Variants in SLC44A5 observed in about 807,000 individuals in gnomAD.
The protein encoded by SLC44A5 is choline transporter-like protein 5.
SLC44A5 carries 57 observed loss-of-function variants against 101.8 expected under a neutral mutation model. That is an observed-to-expected ratio of 0.56 (90% CI 0.45 to 0.70). The LOEUF (loss-of-function observed/expected upper bound fraction) is 0.70. Ranked by LOEUF, SLC44A5 falls within the 30% of genes least tolerant of loss-of-function variation. The probability of loss-of-function intolerance (pLI) is 0.00; values close to 1 mark genes in which losing one functional copy is unlikely to be tolerated. For synonymous variants in SLC44A5, 281 were observed against 290.9 expected (o/e 0.97, Z 0.35); for missense variants, 737 against 853.1 (o/e 0.86, Z 1.70).
At chr1:75,564,962 G>A (rs1024424284) in intron 1 of SLC44A5, among the ~76,000 whole-genome samples, 5 of 152,240 alleles carry the variant, frequency 3.3e-5, no homozygotes, top group African/African-American at 1.2e-4. Flanking sequence ...TACATGTGCA[G>A]GATGTGCAGG....
chr1:75,327,703 AG>A (rs1656706282), intron 4 of SLC44A5, among the ~76,000 whole-genome samples: 1 of 152,238 alleles, frequency 6.6e-6, no homozygotes, highest in South Asian at 2.1e-4. Flanking sequence ...GAGTAGAAAA[AG>A]ATCTAAATTA....
At chr1:75,384,849 CA>C (rs1299681465) in intron 3 of SLC44A5, among the ~76,000 whole-genome samples, 1 of 151,132 alleles carries the variant, frequency 6.6e-6, no homozygotes, top group Non-Finnish European at 1.5e-5. Context: ...GAGATTATAA[CA>C]AACTATCTCT....
chr1:75,684,866 A>C, the SLC44A5 span, among the ~76,000 whole-genome samples: 4 of 152,158 alleles, frequency 2.6e-5, no homozygotes, highest in Non-Finnish European at 5.9e-5. Flanking sequence ...ATCATTAGGC[A>C]GTGCCCCAGT....
In SLC44A5 at chr1:75,420,144, C is replaced by T. The variant is rs141376176; in HGVS notation, c.14-23523G>A. 5.3e-3 allele frequency among the ~76,000 whole-genome samples: 799 copies of T among 152,070 alleles called. 12 individuals carry two copies. The highest frequency in any genetic ancestry group is 0.018 in the African/African-American group (759 of 41,498). ...CACAGTGAGAAGACCTATCTATAAA[C>T]GAGGAAACAGGCCCTCACCAGACAC... On this transcript the variant is annotated intron_variant, in intron 2 of 23. Transcript: ENST00000370859.
At chr1:75,547,780 A>C (rs1016737253) in intron 1 of SLC44A5, among the ~76,000 whole-genome samples, 4 of 152,182 alleles carry the variant, frequency 2.6e-5, no homozygotes, top group Non-Finnish European at 5.9e-5. Context: ...AACAAGGGCA[A>C]TTTTGCAAGA....
intron 2 of SLC44A5, among the ~76,000 whole-genome samples, chr1:75,484,705 G>A (rs1668062336): frequency 6.6e-6 from 1 of 152,162 alleles, no homozygotes; most frequent in Admixed American, 6.5e-5. Flanking sequence ...TCTCCACAAG[G>A]GTTCCACCCC....
At chr1:75,385,927 C>A (rs1163724946) in intron 3 of SLC44A5, among the ~76,000 whole-genome samples, 1 of 152,060 alleles carries the variant, frequency 6.6e-6, no homozygotes, top group Non-Finnish European at 1.5e-5. Flanking sequence ...TAAATGTAAT[C>A]CAGCATATAA....
chr1:75,660,230 A>G, the SLC44A5 span, among the ~76,000 whole-genome samples: 4 of 152,198 alleles, frequency 2.6e-5, no homozygotes, highest in Admixed American at 6.5e-5. Flanking sequence ...CAAGAACAAA[A>G]ACAAAATGAT....
intron 1 of SLC44A5, among the ~76,000 whole-genome samples, chr1:75,605,296 A>T (rs1675257257): frequency 6.6e-6 from 1 of 152,040 alleles, no homozygotes; most frequent in African/African-American, 2.4e-5. Flanking sequence ...ACCTGTTCTG[A>T]GTTTCTTCAG....
intron 9 of SLC44A5, among the ~76,000 whole-genome samples, chr1:75,240,338 C>T (rs1201419195): frequency 1.3e-5 from 2 of 151,930 alleles, no homozygotes; most frequent in African/African-American, 2.4e-5. Flanking sequence ...CCATTGAGTG[C>T]TATTTAATCT....
intron 2 of SLC44A5, among the ~76,000 whole-genome samples, chr1:75,466,488 C>T (rs1666823762): frequency 6.6e-6 from 1 of 151,826 alleles, no homozygotes; most frequent in Non-Finnish European, 1.5e-5. Context: ...AACCCTGTCT[C>T]TACTAAAAAT....
chr1:75,381,122 A>C (rs1660902538), intron 3 of SLC44A5, among the ~76,000 whole-genome samples: 1 of 72,630 alleles, frequency 1.4e-5, no homozygotes, highest in Non-Finnish European at 2.3e-5. Context: ...CCTTGCCCCA[A>C]GGAAATTCCC....
At chr1:75,567,858 T>C (rs1672870794) in intron 1 of SLC44A5, among the ~76,000 whole-genome samples, 1 of 152,196 alleles carries the variant, frequency 6.6e-6, no homozygotes, top group South Asian at 2.1e-4. Context: ...ACACTGATAT[T>C]CAAGGAAGGA....
At chr1:75,412,712 G>A (rs1045750281) in intron 2 of SLC44A5, among the ~76,000 whole-genome samples, 4 of 152,160 alleles carry the variant, frequency 2.6e-5, no homozygotes, top group South Asian at 2.1e-4. Flanking sequence ...CAAGTCATCC[G>A]TTTTAAATTG....
Position 75,236,976 on chromosome 1 carries a change from T to C in SLC44A5, c.740+11A>G. On this transcript the variant is annotated intron_variant, in intron 11 of 23. Transcript: ENST00000370859. ...GGGCTGGAGAAGAAACATCTATGTG[T>C]TTTCACTTACATGAGAATCCAATAC... 3 of 1,495,218 alleles carry C rather than the reference T, an allele frequency of 2.0e-6. No homozygotes were observed. Among genetic ancestry groups the C allele is most frequent in the South Asian group, 1.2e-5 (1 of 85,880 alleles). 92.6% of individuals were successfully genotyped at this position (1,495,218 alleles called of 1,614,324 possible). A position where few individuals can be genotyped will look rare whatever the true frequency, so the allele number is the denominator to read the frequency against.
chr1:75,281,636 G>GCCACCCCC (rs1652571453), intron 5 of SLC44A5, among the ~76,000 whole-genome samples: 1 of 49,456 alleles, frequency 2.0e-5, no homozygotes, highest in African/African-American at 5.5e-5. Context: ...CTGGTGCCAG[G>GCCACCCCC]CCCCCCCCCC....
chr1:75,560,623 T>G (rs1672467201), intron 1 of SLC44A5, among the ~76,000 whole-genome samples: 1 of 152,190 alleles, frequency 6.6e-6, no homozygotes, highest in Admixed American at 6.5e-5. Context: ...AAAAGTACAC[T>G]TTAAAAATTG....
At chr1:75,348,576 G>T (rs192875043) in intron 3 of SLC44A5, among the ~76,000 whole-genome samples, 3 of 152,244 alleles carry the variant, frequency 2.0e-5, no homozygotes, top group African/African-American at 7.2e-5. Context: ...ACCTGTAGGT[G>T]CTCCTAGAAA....
At chr1:75,671,384 T>C in the SLC44A5 span, among the ~76,000 whole-genome samples, 1 of 152,056 alleles carries the variant, frequency 6.6e-6, no homozygotes, top group South Asian at 2.1e-4. Flanking sequence ...TGTCAAAACA[T>C]CATAAAATAC....
Sources: allele counts gnomAD v4.1 joint callset (sites outside exome capture counted in the v4.1 genomes callset), GRCh38; gene constraint gnomAD v4.1.1; transcripts MANE v1.5; gene names NCBI Gene and HGNC (gene_info 2026-07-23, HGNC 2026-07-21).